The following PAM variants were observed in gnomAD, a reference collection of about 807,000 sequenced individuals.
PAM encodes peptidyl-glycine alpha-amidating monooxygenase.
Under a neutral mutation model 122.1 loss-of-function variants are expected in PAM, and 72 were observed. The ratio of observed to expected loss-of-function variants is 0.59; its 90% CI spans 0.49 to 0.72. PAM has a LOEUF of 0.72. Among genes scored for constraint, PAM ranks in the 30% least tolerant of loss-of-function variants. The pLI, the probability that PAM is intolerant of heterozygous loss-of-function variation, is 0.00. For missense variants in PAM, 1,106 were observed against 1,183.7 expected (o/e 0.93, Z 0.96); for synonymous variants, 389 against 404.4 (o/e 0.96, Z 0.46).
intron 16 of PAM, among the ~76,000 whole-genome samples, chr5:102,993,613 C>T (rs1250366502): frequency 6.6e-6 from 1 of 152,090 alleles, no homozygotes; most frequent in African/African-American, 2.4e-5. Context: ...TCAATACAAA[C>T]TAACTTAGGA....
At chr5:102,809,117 C>T (rs1390684665) in intron 1 of PAM, among the ~76,000 whole-genome samples, 1 of 152,128 alleles carries the variant, frequency 6.6e-6, no homozygotes, top group East Asian at 1.9e-4. Flanking sequence ...CTCTATCAGC[C>T]TCCTTCTGAA....
At chr5:102,908,466 G>C (rs1217717893) in intron 4 of PAM, among the ~76,000 whole-genome samples, 5 of 150,790 alleles carry the variant, frequency 3.3e-5, no homozygotes, top group African/African-American at 4.9e-5. Flanking sequence ...GCTCTTTTTT[G>C]GTTCCATATG....
intron 1 of PAM, among the ~76,000 whole-genome samples, chr5:102,763,412 T>G (rs565845575): frequency 6.6e-6 from 1 of 152,210 alleles, no homozygotes; most frequent in East Asian, 1.9e-4. Context: ...GATCCAATAA[T>G]GAGCAAAAAA....
intron 1 of PAM, among the ~76,000 whole-genome samples, chr5:102,806,342 C>A (rs958796600): frequency 1.2e-4 from 18 of 152,084 alleles, no homozygotes; most frequent in Admixed American, 9.8e-4. Flanking sequence ...GAACAGAGTT[C>A]GATGAATTTC....
chr5:102,964,751 C>T (rs1763544671), intron 14 of PAM, among the ~76,000 whole-genome samples: 2 of 77,830 alleles, frequency 2.6e-5, no homozygotes, highest in African/African-American at 8.0e-5. Context: ...ATGTAAAGCA[C>T]ATTATTTTAA....
intron 1 of PAM, among the ~76,000 whole-genome samples, chr5:102,815,723 A>G (rs1769562829): frequency 6.6e-6 from 1 of 152,216 alleles, no homozygotes; most frequent in Non-Finnish European, 1.5e-5. Flanking sequence ...ATCTCCTAAC[A>G]TGTTAGCTCC....
intron 16 of PAM, among the ~76,000 whole-genome samples, chr5:102,997,908 A>G (rs1776211298): frequency 6.6e-6 from 1 of 152,220 alleles, no homozygotes; most frequent in South Asian, 2.1e-4. Context: ...TGACTGGCAC[A>G]AGGACTGTGG....
Position 102,819,482 on chromosome 5 carries a change from T to G in PAM, c.-373-46341T>G, listed in dbSNP as rs528730334. Reference sequence around the variant, plus strand: ...GTAAATTTTCTCACCTTATTGAATTTTAGTAGGGTGACTCTTAGATATCCA... The same window carrying G: ...GTAAATTTTCTCACCTTATTGAATTGTAGTAGGGTGACTCTTAGATATCCA... On this transcript the variant is annotated intron_variant, in intron 1 of 25. Coordinates refer to ENST00000438793, the MANE Select transcript of PAM (RefSeq NM_001177306.2). Among the ~76,000 whole-genome samples, 18 of 152,098 alleles carry G rather than the reference T, an allele frequency of 1.2e-4. No individual in the cohort carries two copies. The East Asian group carries it at 3.3e-3, about 28-fold the overall frequency.
intron 5 of PAM, among the ~76,000 whole-genome samples, chr5:102,916,530 T>C (rs1803154333): frequency 4.0e-5 from 6 of 151,404 alleles, no homozygotes; most frequent in Admixed American, 4.0e-4. Context: ...CGTTTAAGTC[T>C]AACATTTAAA....
intron 1 of PAM, among the ~76,000 whole-genome samples, chr5:102,818,737 C>T (rs910429672): frequency 1.3e-5 from 2 of 152,030 alleles, no homozygotes; most frequent in African/African-American, 2.4e-5. Context: ...TATGTGTGGC[C>T]TTTTTTTATG....
At chr5:102,845,048 A>T (rs906701687) in intron 1 of PAM, among the ~76,000 whole-genome samples, 4 of 152,254 alleles carry the variant, frequency 2.6e-5, no homozygotes, top group African/African-American at 9.6e-5. Flanking sequence ...GAATCTTGAT[A>T]AAATACAGTT....
At chr5:102,864,875 CAT>C (rs1390406824) in intron 1 of PAM, among the ~76,000 whole-genome samples, 2 of 152,250 alleles carry the variant, frequency 1.3e-5, no homozygotes, top group African/African-American at 2.4e-5. Context: ...GGTTTGATAA[CAT>C]AGTTTTAAAT....
intron 21 of PAM, among the ~76,000 whole-genome samples, chr5:103,012,312 G>A (rs926619162): frequency 8.5e-5 from 13 of 152,076 alleles, no homozygotes; most frequent in African/African-American, 3.1e-4. Flanking sequence ...CTGTGCTTGT[G>A]GGGTATTACT....
At position 103,007,646 on chromosome 5, in the gene PAM, C is replaced by T; in HGVS notation, c.2204C>T (p.Ser735Leu). 6.3e-7 allele frequency: 1 copy of T among 1,580,552 alleles called. No individual in the cohort carries two copies. Among genetic ancestry groups the T allele is most frequent in the Non-Finnish European group, 8.7e-7 (1 of 1,149,656 alleles). ...TTTGGAAGAAATGTATTTGCAATTTCATATATACCAGGTATTTCATCTTAA... is the reference window on the plus strand; with the variant it reads ...TTTGGAAGAAATGTATTTGCAATTTTATATATACCAGGTATTTCATCTTAA... ...SSFGRNVFAI[S>L]YIPGLLFAVN... The change falls in exon 20 of 26, where the codon TCA (serine) becomes TTA (leucine). Residue 735 changes from serine to leucine, a missense_variant. Coordinates refer to ENST00000438793, the MANE Select transcript of PAM (RefSeq NM_001177306.2).
intron 1 of PAM, among the ~76,000 whole-genome samples, chr5:102,755,726 C>T (rs1454312855): frequency 5.3e-5 from 8 of 151,950 alleles, no homozygotes; most frequent in Admixed American, 5.2e-4. Flanking sequence ...CCTTTTCTGC[C>T]CCCAACTTGG....
intron 3 of PAM, among the ~76,000 whole-genome samples, chr5:102,873,971 A>G (rs1489576300): frequency 3.9e-5 from 6 of 152,174 alleles, no homozygotes; most frequent in African/African-American, 1.4e-4. Context: ...CTTTTTATTT[A>G]GAAAGACTTA....
At position 102,961,249 on chromosome 5, in the gene PAM, TA is replaced by T; in HGVS notation, c.1162+22del. The T allele has an allele frequency of 7.6e-7, 1 of 1,314,888 alleles. No homozygotes were observed. Among genetic ancestry groups the T allele is most frequent in the Non-Finnish European group, 1.1e-6 (1 of 910,950 alleles). 81.5% of individuals were successfully genotyped at this position (1,314,888 alleles called of 1,614,324 possible). On this transcript the variant is annotated intron_variant, in intron 14 of 25. Coordinates refer to ENST00000438793, the MANE Select transcript of PAM (RefSeq NM_001177306.2). ...ACCAGGGTATGTATGCTTATTTCTA[TA>T]ACTAGTCCTATAAAAGTATCAATTT... is the stretch of plus-strand genomic sequence containing the variant.
At chr5:102,813,454 C>T (rs531710665) in intron 1 of PAM, among the ~76,000 whole-genome samples, 44 of 152,296 alleles carry the variant, frequency 2.9e-4, no homozygotes, top group Non-Finnish European at 5.6e-4. Context: ...TATCCTACGT[C>T]GTAACTACTC....
intron 1 of PAM, among the ~76,000 whole-genome samples, chr5:102,812,250 CAA>C (rs1424706118): frequency 1.2e-4 from 18 of 152,048 alleles, no homozygotes; most frequent in Non-Finnish European, 1.2e-4. Context: ...GCAACAGCTG[CAA>C]AAATAGTTTC....
Sources: allele counts gnomAD v4.1 joint callset (sites outside exome capture counted in the v4.1 genomes callset), GRCh38; gene constraint gnomAD v4.1.1; transcripts MANE v1.5; gene names NCBI Gene and HGNC (gene_info 2026-07-23, HGNC 2026-07-21).